Variants in ZC3H12B observed in about 807,000 individuals in gnomAD.
The protein encoded by ZC3H12B is zinc finger CCCH-type containing 12B.
In ZC3H12B, 7 loss-of-function variants were observed where a neutral mutation model predicts 43.9. The observed-to-expected ratio is 0.16, with a 90% confidence interval of 0.09 to 0.30. The LOEUF (loss-of-function observed/expected upper bound fraction) is 0.30, where lower values mean the gene tolerates loss of function less well. Ranked by LOEUF, ZC3H12B falls within the 10% of genes least tolerant of loss-of-function variation. The pLI is 1.00. For synonymous variants in ZC3H12B, 222 were observed against 241.7 expected (o/e 0.92, Z 0.76); for missense variants, 475 against 670.2 (o/e 0.71, Z 3.22).
At chrX:65,500,167 T>G (rs1485837583) in intron 4 of ZC3H12B, among the ~76,000 whole-genome samples, 178 bp downstream of exon 9, 1 of 112,472 alleles carries the variant, frequency 8.9e-6, no homozygotes, top group Non-Finnish European at 1.9e-5. Context: ...TCTTAGAAAC[T>G]GAATGAGGAA....
chrX:65,214,842 A>G, the ZC3H12B span, among the ~76,000 whole-genome samples: 1 of 111,626 alleles, frequency 9.0e-6, no homozygotes, highest in African/African-American at 3.2e-5. Flanking sequence ...TGTGCAAAAT[A>G]TATATCTTAA....
the ZC3H12B span, among the ~76,000 whole-genome samples, chrX:65,137,150 A>C: frequency 8.9e-6 from 1 of 112,327 alleles, no homozygotes; most frequent in Admixed American, 9.4e-5. Flanking sequence ...ATAAATTAAA[A>C]GTATTTTAGA....
the ZC3H12B span, among the ~76,000 whole-genome samples, chrX:65,337,922 C>A: frequency 3.6e-5 from 4 of 112,135 alleles, no homozygotes; most frequent in African/African-American, 1.3e-4. Flanking sequence ...GGTGTCATTA[C>A]TTGTGAGATG....
chrX:65,417,020 C>G (rs2066970519), intron 3 of ZC3H12B, among the ~76,000 whole-genome samples: 1 of 111,677 alleles, frequency 9.0e-6, no homozygotes, highest in Non-Finnish European at 1.9e-5. Context: ...TTTTTTAACC[C>G]ATTCCCCAGA....
chrX:65,172,348 G>A, the ZC3H12B span, among the ~76,000 whole-genome samples: 2 of 111,086 alleles, frequency 1.8e-5, no homozygotes, highest in African/African-American at 3.3e-5. Context: ...CCTTTTTCTG[G>A]TGGGTAAAAA....
the ZC3H12B span, among the ~76,000 whole-genome samples, chrX:65,212,135 ATAT>A: frequency 7.2e-5 from 4 of 55,746 alleles, no homozygotes; most frequent in Non-Finnish European, 8.7e-5. Flanking sequence ...AATATACTAT[ATAT>A]TATATTAACA....
Position 65,437,708 on chromosome X carries a change from G to A in ZC3H12B, n.407+39004G>A, listed in dbSNP as rs138034573. Among the ~76,000 whole-genome samples, 13 of 105,022 alleles carry A rather than the reference G, an allele frequency of 1.2e-4. No individual in the cohort carries two copies. In the East Asian group the frequency reaches 3.4e-3, roughly 27 times the overall value. 91.2% of individuals were successfully genotyped at this position (105,022 alleles called of 115,157 possible). On this transcript the variant is annotated intron_variant and non_coding_transcript_variant, in intron 3 of 5. Coordinates refer to the ZC3H12B transcript ENST00000617377. ...ATTCTATGGGTTGTCTCTTCACTTC[G>A]TTGACTCTTTCTTTTTTTTCTGTGT...
chrX:65,430,135 G>A (rs1007345582), intron 3 of ZC3H12B, among the ~76,000 whole-genome samples: 1 of 111,950 alleles, frequency 8.9e-6, no homozygotes, highest in African/African-American at 3.2e-5. Flanking sequence ...ACACACATTT[G>A]TTGGAAATCT....
the ZC3H12B span, chrX:65,272,898 G>C: frequency 8.9e-6 from 1 of 112,141 alleles, no homozygotes; most frequent in East Asian, 2.8e-4. Context: ...CTGTCCAAAA[G>C]GGTGACATTC....
chrX:65,331,187 C>T, the ZC3H12B span: 1 of 179,148 alleles, frequency 5.6e-6, no homozygotes, highest in South Asian at 1.2e-4. Flanking sequence ...GCGCAGCACT[C>T]ACCCACCCTC....
rs375330448 is a variant in ZC3H12B at position 65,394,483 on chromosome X, G to C, written n.296-4110G>C. Among the ~76,000 whole-genome samples, 8 of 111,772 alleles carry C rather than the reference G, an allele frequency of 7.2e-5. No individual in the cohort carries two copies. The East Asian group carries it at 2.0e-3, about 27-fold the overall frequency. On this transcript the variant is annotated intron_variant and non_coding_transcript_variant, in intron 2 of 5. Coordinates refer to the ZC3H12B transcript ENST00000617377. ...AATCTTTTCCCTATTGCTTGTTTTT[G>C]TCAGGTTTGTCAAAGATCAGATGGT...
rs1359106764 is a variant in ZC3H12B, at chrX:65,456,502, G to A, written n.408-32144G>A. Reference sequence around the variant, plus strand: ...CTCTGATGCCGAGCCAAAGCTGGACGGTACTGCTGCCATCTCGGCTCACTG... The same window carrying A: ...CTCTGATGCCGAGCCAAAGCTGGACAGTACTGCTGCCATCTCGGCTCACTG... On this transcript the variant is annotated intron_variant and non_coding_transcript_variant, in intron 3 of 5. Coordinates refer to the ZC3H12B transcript ENST00000617377. Among the ~76,000 whole-genome samples, 29 of 98,665 alleles carry A rather than the reference G, an allele frequency of 2.9e-4. 1 individual carries two copies. Among genetic ancestry groups the A allele is most frequent in the South Asian group, 5.3e-4 (1 of 1,890 alleles). The allele number at this position is 98,665 out of a possible 115,157, so 85.7% of individuals were successfully genotyped here.
chrX:65,300,893 A>G, the ZC3H12B span, among the ~76,000 whole-genome samples: 2 of 111,091 alleles, frequency 1.8e-5, no homozygotes, highest in Non-Finnish European at 3.8e-5. Context: ...GAGTAAACAG[A>G]CAACCTACAG....
the ZC3H12B span, among the ~76,000 whole-genome samples, chrX:65,160,916 C>T: frequency 9.0e-6 from 1 of 110,835 alleles, no homozygotes; most frequent in Non-Finnish European, 1.9e-5. Flanking sequence ...AAATTTCCCT[C>T]TACACAGTGC....
the ZC3H12B span, among the ~76,000 whole-genome samples, chrX:65,322,139 A>T: frequency 2.7e-5 from 3 of 111,559 alleles, no homozygotes; most frequent in Admixed American, 9.6e-5. Flanking sequence ...CTTGAAGGGG[A>T]TCTGTCATGC....
At chrX:65,065,254 T>C in the ZC3H12B span, among the ~76,000 whole-genome samples, 1 of 111,759 alleles carries the variant, frequency 8.9e-6, no homozygotes, top group African/African-American at 3.3e-5. Flanking sequence ...CTTTACAATT[T>C]GGTATATTTT....
intron 2 of ZC3H12B, among the ~76,000 whole-genome samples, chrX:65,376,600 A>G (rs2066349944): frequency 8.9e-6 from 1 of 111,785 alleles, no homozygotes; most frequent in Non-Finnish European, 1.9e-5. Context: ...GTTTGGGAAA[A>G]GTAAGGAAAG....
chrX:65,163,775 C>T, the ZC3H12B span, among the ~76,000 whole-genome samples: 1 of 111,213 alleles, frequency 9.0e-6, no homozygotes, highest in African/African-American at 3.3e-5. Context: ...GCACTGCACT[C>T]ACTCTCCTGC....
chrX:65,499,792 A>G (rs969311862), intron 3 of ZC3H12B, 91 bp from the exon 9 acceptor site: 2 of 687,364 alleles, frequency 2.9e-6, no homozygotes, highest in Non-Finnish European at 4.5e-6. Context: ...CTGTGACAAC[A>G]GTACAGGCAA....
Sources: gnomAD v4.1 joint callset for allele counts (sites outside exome capture counted in the v4.1 genomes callset) on GRCh38, gnomAD v4.1.1 for gene constraint, MANE v1.5 for transcripts, NCBI Gene and HGNC (gene_info 2026-07-23, HGNC 2026-07-21) for gene names.